The following CDK6 variants were observed in gnomAD, a reference collection of about 807,000 sequenced individuals.
CDK6 encodes cyclin-dependent kinase 6.
A neutral mutation model predicts 37.1 loss-of-function variants in CDK6; 6 were observed. The observed-to-expected ratio is 0.16, with a 90% CI of 0.09 to 0.32. The LOEUF (loss-of-function observed/expected upper bound fraction) is 0.32, where lower values mean the gene tolerates loss of function less well. Among genes scored for constraint, CDK6 ranks in the 10% least tolerant of loss-of-function variants. The pLI is 1.00. For missense variants in CDK6, 224 were observed against 418.9 expected (o/e 0.53, Z 4.06); for synonymous variants, 160 against 161.3 (o/e 0.99, Z 0.06).
chr7:92,794,327 C>T (rs557202056), intron 2 of CDK6, among the ~76,000 whole-genome samples: 3 of 152,132 alleles, frequency 2.0e-5, no homozygotes, highest in African/African-American at 7.2e-5. Flanking sequence ...AGTAAATTGC[C>T]CAGCATCCTA....
Position 92,834,023 on chromosome 7 carries a change from C to G in CDK6, c.-367-333G>C, listed in dbSNP as rs1192671634. ...CGGGAGCGCGGGGGAGGGGAGGCGC[C>G]GGGCACGTCAATGTCACGGCTTAAT... On this transcript the variant is annotated intron_variant, in intron 1 of 7. Coordinates refer to ENST00000424848, the MANE Select transcript of CDK6 (RefSeq NM_001145306.2). The surrounding 1 kb of genome is among the most constrained non-coding windows in gnomAD (Gnocchi z 4.6). 2.5e-6 allele frequency: 1 copy of G among 397,576 alleles called. No individual in the cohort carries two copies. The highest frequency in any genetic ancestry group is 2.1e-5 in the African/African-American group (1 of 48,552). 24.6% of individuals were successfully genotyped at this position (397,576 alleles called of 1,614,324 possible). A position where few individuals can be genotyped will look rare whatever the true frequency, so the allele number is the denominator to read the frequency against.
At chr7:92,794,442 G>A (rs963810112) in intron 2 of CDK6, among the ~76,000 whole-genome samples, 1 of 152,000 alleles carries the variant, frequency 6.6e-6, no homozygotes, top group Non-Finnish European at 1.5e-5. Flanking sequence ...TAGGTCACTC[G>A]TGATCTTGCC....
intron 3 of CDK6, among the ~76,000 whole-genome samples, chr7:92,732,629 G>C (rs1256944812): frequency 6.6e-6 from 1 of 152,198 alleles, no homozygotes; most frequent in Non-Finnish European, 1.5e-5. Flanking sequence ...CTGGTTGTCA[G>C]CCATGAAGAC....
rs182090955 is a variant in CDK6, at chr7:92,610,578, G to A, written c.*4562C>T. The A allele has an allele frequency of 7.2e-3, 1,633 of 227,954 alleles. 6 individuals carry two copies. Among genetic ancestry groups the A allele is most frequent in the Middle Eastern group, 0.016 (12 of 752 alleles). 14.1% of individuals were successfully genotyped at this position (227,954 alleles called of 1,614,324 possible). On this transcript the variant is annotated 3_prime_UTR_variant, in exon 8 of 8. Transcript: ENST00000424848. ...ATAGAAATGCTTGAGATATAGGGAT[G>A]TATTAAAATTGGGTTGTGAATTGCA... is the stretch of plus-strand genomic sequence containing the variant.
intron 2 of CDK6, among the ~76,000 whole-genome samples, chr7:92,803,153 T>A (rs1310205010): frequency 6.6e-6 from 1 of 152,230 alleles, no homozygotes; most frequent in African/African-American, 2.4e-5. Flanking sequence ...AGAAATAGGC[T>A]ATCTTGCACA....
At chr7:92,795,395 T>C (rs1002778058) in intron 2 of CDK6, among the ~76,000 whole-genome samples, 1 of 152,158 alleles carries the variant, frequency 6.6e-6, no homozygotes, top group African/African-American at 2.4e-5. Context: ...ACATTTGAGT[T>C]CATTTAGCTG....
chr7:92,677,896 G>C (rs1797243226), intron 4 of CDK6, among the ~76,000 whole-genome samples: 1 of 152,094 alleles, frequency 6.6e-6, no homozygotes, highest in South Asian at 2.1e-4. Flanking sequence ...AGAACAAATT[G>C]CAACAAATTT....
intron 2 of CDK6, among the ~76,000 whole-genome samples, chr7:92,831,501 C>T (rs569924569): frequency 3.9e-5 from 6 of 152,176 alleles, no homozygotes; most frequent in Non-Finnish European, 8.8e-5. Flanking sequence ...CCTAGGACGA[C>T]AGCTGAGTTA....
At position 92,615,976 on chromosome 7, in the gene CDK6, A is replaced by C. The variant is rs139120602; in HGVS notation, c.835-690T>G. 1.3e-4 allele frequency among the ~76,000 whole-genome samples: 19 copies of C among 151,998 alleles called. No individual in the cohort carries two copies. The East Asian group carries it at 3.7e-3, about 29-fold the overall frequency. On this transcript the variant is annotated intron_variant, in intron 7 of 7. Transcript: ENST00000424848. ...TGTCCCTAATTTCAGTCTCATTTCC[A>C]CCCCTACCTCAGGTAATCTTGTTAC...
chr7:92,816,485 TAGAC>T (rs920803001), intron 2 of CDK6, among the ~76,000 whole-genome samples: 19 of 152,208 alleles, frequency 1.2e-4, no homozygotes, highest in African/African-American at 3.9e-4. Flanking sequence ...ACAACAGAAT[TAGAC>T]AGAAAGAAAT....
intron 4 of CDK6, among the ~76,000 whole-genome samples, chr7:92,698,448 T>C (rs1375399178): frequency 6.6e-6 from 1 of 152,182 alleles, no homozygotes; most frequent in Non-Finnish European, 1.5e-5. Flanking sequence ...TTGTGCTTTT[T>C]TTTCCCCCAG....
At position 92,792,479 on chromosome 7, in the gene CDK6, A is replaced by G. The variant is rs563256728; in HGVS notation, c.234-17648T>C. Among the ~76,000 whole-genome samples the G allele has an allele frequency of 1.5e-3, 230 of 152,238 alleles. 2 individuals carry two copies. The highest frequency in any genetic ancestry group is 5.1e-3 in the African/African-American group (211 of 41,540). On this transcript the variant is annotated intron_variant, in intron 2 of 7. Coordinates refer to ENST00000424848, the MANE Select transcript of CDK6 (RefSeq NM_001145306.2). The stretch of plus-strand genomic sequence containing the variant: ...GAAGTGGCATTTTAAAAATAAAATG[A>G]TATACACTTTTTCTGAATCAAAATA...
chr7:92,614,560 T>C lies in CDK6; in HGVS notation c.*580A>G, dbSNP rs959824162. 2.6e-5 allele frequency: 6 copies of C among 233,594 alleles called. No homozygotes were observed. Among genetic ancestry groups the C allele is most frequent in the Admixed American group, 5.6e-5 (1 of 17,788 alleles). The allele number at this position is 233,594 out of a possible 1,614,324, so 14.5% of individuals were successfully genotyped here. On this transcript the variant is annotated 3_prime_UTR_variant, in exon 8 of 8. Transcript: ENST00000424848. ...GAGGACATGGGGTTAACTTTCTAAT[T>C]TGAGAAGACTATTTTGGTGAATCAC...
intron 5 of CDK6, among the ~76,000 whole-genome samples, chr7:92,631,260 C>T (rs1796044756): frequency 6.6e-6 from 1 of 152,062 alleles, no homozygotes; most frequent in African/African-American, 2.4e-5. Context: ...ATGCTGTGTC[C>T]TGGGAAACCT....
At chr7:92,751,391 T>C (rs1482967477) in intron 3 of CDK6, among the ~76,000 whole-genome samples, 1 of 152,190 alleles carries the variant, frequency 6.6e-6, no homozygotes, top group Non-Finnish European at 1.5e-5. Context: ...AGTTCATGTA[T>C]CATGTGTAAA....
rs1437861956 is a variant in CDK6, at chr7:92,774,759, A to G, written c.306T>C (p.Asp102=). 5 of 1,613,268 alleles carry G rather than the reference A, an allele frequency of 3.1e-6. No individual in the cohort carries two copies. Among genetic ancestry groups the G allele is most frequent in the Non-Finnish European group, 4.2e-6 (5 of 1,179,622 alleles). ...TKLTLVFEHV[D]QDLTTYLDKV... is the part of the protein sequence containing the mutation. ...TATCCAAGTAAGTGGTCAAGTCTTG[A>G]TCGACATGTTCAAACACTAAAGTTA... The change falls in exon 3 of 8, where the codon GAT becomes GAC. Residue 102 remains aspartate (D), a synonymous_variant. Coordinates refer to ENST00000424848, the MANE Select transcript of CDK6 (RefSeq NM_001145306.2).
intron 4 of CDK6, among the ~76,000 whole-genome samples, chr7:92,684,747 C>A (rs989311066): frequency 6.6e-6 from 1 of 152,050 alleles, no homozygotes; most frequent in African/African-American, 2.4e-5. Flanking sequence ...TACAAAAAAA[C>A]AAAATGCACA....
chr7:92,627,954 CTG>C (rs1795966683), intron 5 of CDK6, among the ~76,000 whole-genome samples: 1 of 151,916 alleles, frequency 6.6e-6, no homozygotes, highest in African/African-American at 2.4e-5. Flanking sequence ...GCTAGGAAAA[CTG>C]TTAGGTCTAC....
At chr7:92,780,623 T>C (rs986335688) in intron 2 of CDK6, among the ~76,000 whole-genome samples, 3 of 150,540 alleles carry the variant, frequency 2.0e-5, no homozygotes, top group Non-Finnish European at 4.4e-5. Flanking sequence ...TAGCCGGGCG[T>C]GGTGGCAGGC....
Sources: allele counts gnomAD v4.1 joint callset (sites outside exome capture counted in the v4.1 genomes callset), GRCh38; gene constraint gnomAD v4.1.1; non-coding constraint Gnocchi (gnomAD v3.1); transcripts MANE v1.5; gene names NCBI Gene and HGNC (gene_info 2026-07-23, HGNC 2026-07-21).